Variants in SV2C observed in about 807,000 individuals in gnomAD.
The protein encoded by SV2C is synaptic vesicle glycoprotein 2C, also known as solute carrier family 22 member B3.
SV2C carries 49 observed loss-of-function variants against 79.7 expected under a neutral mutation model. The ratio of observed to expected loss-of-function variants is 0.61; its 90% CI spans 0.49 to 0.78. The LOEUF is 0.78. SV2C is among the 30% of genes least tolerant of loss of function. The pLI is 0.00. For missense variants in SV2C, 833 were observed against 912.9 expected, an observed-to-expected ratio of 0.91 and a Z score of 1.13; for synonymous variants, 334 against 333.2, an observed-to-expected ratio of 1.00 and a Z score of -0.03.
chr5:75,993,259 A>G, the SV2C span, among the ~76,000 whole-genome samples: 8 of 152,082 alleles, frequency 5.3e-5, no homozygotes, highest in Non-Finnish European at 1.0e-4. Flanking sequence ...TTCAACAAAA[A>G]TTTGTAACAG....
intron 4 of SV2C, among the ~76,000 whole-genome samples, chr5:76,227,088 A>AT (rs958061197): frequency 6.6e-6 from 1 of 152,206 alleles, no homozygotes; most frequent in Non-Finnish European, 1.5e-5. Flanking sequence ...CAAACATCTG[A>AT]TTGGCAGGCG....
intron 3 of SV2C, among the ~76,000 whole-genome samples, chr5:76,209,481 C>T (rs1488499406): frequency 6.6e-6 from 1 of 152,170 alleles, no homozygotes; most frequent in Non-Finnish European, 1.5e-5. Context: ...CTATCAACCA[C>T]CTGAGACAAA....
chr5:76,030,786 A>T, the SV2C span, among the ~76,000 whole-genome samples: 12 of 152,028 alleles, frequency 7.9e-5, no homozygotes, highest in African/African-American at 2.9e-4. Flanking sequence ...GAAAAAGAAA[A>T]AAAAGAAAAA....
intron 4 of SV2C, among the ~76,000 whole-genome samples, chr5:76,233,892 T>C (rs1045231632): frequency 6.6e-6 from 1 of 152,142 alleles, no homozygotes; most frequent in Admixed American, 6.5e-5. Context: ...GATATTGGTC[T>C]AAAATTCTCT....
At chr5:75,982,922 A>G in the SV2C span, among the ~76,000 whole-genome samples, 1 of 152,196 alleles carries the variant, frequency 6.6e-6, no homozygotes, top group Non-Finnish European at 1.5e-5. Flanking sequence ...ATGAGAACAC[A>G]TGGACACTTA....
chr5:76,109,030 A>G (rs1429191077), intron 1 of SV2C, among the ~76,000 whole-genome samples: 2 of 152,202 alleles, frequency 1.3e-5, no homozygotes, highest in African/African-American at 2.4e-5. Context: ...TTATAATTAT[A>G]GAACCATCCT....
the SV2C span, among the ~76,000 whole-genome samples, chr5:75,968,524 C>T: frequency 3.4e-4 from 52 of 152,154 alleles, no homozygotes; most frequent in African/African-American, 1.2e-3. Flanking sequence ...AACTACATGA[C>T]GAATGCACAA....
chr5:76,351,844 C>T (rs1227221461), intron 12 of SV2C, among the ~76,000 whole-genome samples: 2 of 152,164 alleles, frequency 1.3e-5, no homozygotes, highest in Non-Finnish European at 2.9e-5. Context: ...AAGCTCAGTG[C>T]ATGCAAATAG....
intron 12 of SV2C, among the ~76,000 whole-genome samples, chr5:76,340,771 A>T (rs1018631788): frequency 2.6e-5 from 4 of 152,278 alleles, no homozygotes; most frequent in Non-Finnish European, 4.4e-5. Flanking sequence ...GCAAATTTTT[A>T]AAATTTTTTA....
chr5:76,057,248 C>T, the SV2C span, among the ~76,000 whole-genome samples: 2 of 151,748 alleles, frequency 1.3e-5, no homozygotes, highest in African/African-American at 4.8e-5. Flanking sequence ...TTTTTTTATA[C>T]TTTAAGTTTC....
chr5:76,102,128 TA>T (rs775453177), intron 1 of SV2C, among the ~76,000 whole-genome samples: 2 of 152,232 alleles, frequency 1.3e-5, no homozygotes, highest in Non-Finnish European at 2.9e-5. Context: ...TTCTTGTGTT[TA>T]AAATCACCAA....
chr5:76,197,947 G>A (rs983784573), intron 3 of SV2C, among the ~76,000 whole-genome samples: 1 of 152,184 alleles, frequency 6.6e-6, no homozygotes, highest in African/African-American at 2.4e-5. Context: ...AAGTCCCAAA[G>A]TCCAAAGGCC....
At chr5:76,191,458 T>C (rs1744101502) in intron 2 of SV2C, among the ~76,000 whole-genome samples, 1 of 152,254 alleles carries the variant, frequency 6.6e-6, no homozygotes, top group Non-Finnish European at 1.5e-5. Flanking sequence ...AGATAATTTT[T>C]AAAAACTGAT....
At chr5:76,069,681 G>A in the SV2C span, among the ~76,000 whole-genome samples, 2 of 152,170 alleles carry the variant, frequency 1.3e-5, no homozygotes, top group African/African-American at 4.8e-5. Flanking sequence ...GCTTCTGAGA[G>A]TTCAGCCATC....
intron 2 of SV2C, among the ~76,000 whole-genome samples, chr5:76,135,543 G>A (rs1035637746): frequency 1.3e-5 from 2 of 152,186 alleles, no homozygotes; most frequent in Non-Finnish European, 1.5e-5. Flanking sequence ...GCTTTCAGGC[G>A]CCGCAGTCTT....
intron 4 of SV2C, among the ~76,000 whole-genome samples, chr5:76,267,510 T>C (rs1282438841): frequency 6.6e-6 from 1 of 152,262 alleles, no homozygotes; most frequent in East Asian, 1.9e-4. Flanking sequence ...TATTCTTTTG[T>C]ATATTCCATT....
At chr5:76,130,769 C>T (rs565168102) in intron 1 of SV2C, among the ~76,000 whole-genome samples, 2 of 152,226 alleles carry the variant, frequency 1.3e-5, no homozygotes, top group African/African-American at 4.8e-5. Flanking sequence ...ACTACCAAAA[C>T]AGCAGCTAAC....
chr5:75,952,249 T>TCCTTCCTA, the SV2C span, among the ~76,000 whole-genome samples: 160 of 73,720 alleles, frequency 2.2e-3, no homozygotes, highest in African/African-American at 7.5e-3. Context: ...TCCTGCATTT[T>TCCTTCCTA]CCTTCCTTCC....
chr5:76,174,167 A>G (rs747781188), intron 2 of SV2C: 1 of 1,612,542 alleles, frequency 6.2e-7, no homozygotes, highest in Admixed American at 1.7e-5. Flanking sequence ...AAGAACGACT[A>G]GCTTATACTC....
Sources: allele counts gnomAD v4.1 joint callset (sites outside exome capture counted in the v4.1 genomes callset), GRCh38; gene constraint gnomAD v4.1.1; transcripts MANE v1.5; gene names NCBI Gene and HGNC (gene_info 2026-07-23, HGNC 2026-07-21).